The following TLL2 variants were observed in gnomAD, a reference collection of about 807,000 sequenced individuals.
The protein encoded by TLL2 is tolloid-like protein 2.
TLL2 carries 106 observed loss-of-function variants against 123.0 expected under a neutral mutation model. The ratio of observed to expected loss-of-function variants is 0.86; its 90% CI spans 0.74 to 1.01. The LOEUF (loss-of-function observed/expected upper bound fraction) is 1.01. Among genes scored for constraint, TLL2 ranks in the 50% least tolerant of loss-of-function variants. The pLI is 0.00. For missense variants in TLL2, 1,332 were observed against 1,336.7 expected (o/e 1.00, Z 0.06); for synonymous variants, 494 against 516.8 (o/e 0.96, Z 0.60).
chr10:96,490,984 C>T (rs764176943), intron 1 of TLL2, among the ~76,000 whole-genome samples: 28 of 152,148 alleles, frequency 1.8e-4, no homozygotes, highest in Admixed American at 9.8e-4. Flanking sequence ...CATGGGCTCC[C>T]CTCCACCTCT....
chr10:96,391,854 G>A (rs1039054076), intron 13 of TLL2, among the ~76,000 whole-genome samples: 1 of 152,154 alleles, frequency 6.6e-6, no homozygotes, highest in Non-Finnish European at 1.5e-5. Flanking sequence ...GTCAAGCTGG[G>A]TCTGTGCACT....
chr10:96,387,321 G>A (rs1339882468), intron 13 of TLL2, among the ~76,000 whole-genome samples: 1 of 152,216 alleles, frequency 6.6e-6, no homozygotes, highest in Non-Finnish European at 1.5e-5. Flanking sequence ...GCCAAGAGAA[G>A]GCCAGGCCTG....
chr10:96,383,329 C>T (rs1846202457), intron 16 of TLL2, among the ~76,000 whole-genome samples: 1 of 152,156 alleles, frequency 6.6e-6, no homozygotes, highest in African/African-American at 2.4e-5. Flanking sequence ...TGGCAGTGTC[C>T]CTACCCAAAT....
chr10:96,376,460 T>G (rs1243589404), intron 18 of TLL2, among the ~76,000 whole-genome samples: 7 of 152,258 alleles, frequency 4.6e-5, no homozygotes, highest in African/African-American at 1.7e-4. Context: ...CGGGTCCCAC[T>G]GTGCCCAGGT....
At chr10:96,386,537 A>G (rs1159844010) in intron 14 of TLL2, among the ~76,000 whole-genome samples, 1 of 152,224 alleles carries the variant, frequency 6.6e-6, no homozygotes, top group African/African-American at 2.4e-5. Context: ...TACTCACCAT[A>G]CCAAGCTTGC....
At chr10:96,386,816 G>A (rs1251462213) in intron 14 of TLL2, 137 bp downstream of exon 14, 1 of 1,270,046 alleles carries the variant, frequency 7.9e-7, no homozygotes, top group Non-Finnish European at 1.1e-6. Context: ...CTTCTAGGAA[G>A]TAGGTGGGTC....
intron 7 of TLL2, among the ~76,000 whole-genome samples, chr10:96,417,072 C>T (rs751420959): frequency 1.4e-4 from 22 of 152,236 alleles, no homozygotes; most frequent in African/African-American, 4.8e-4. Flanking sequence ...ACAGCTCAAT[C>T]GTAAAGAGAC....
intron 10 of TLL2, among the ~76,000 whole-genome samples, chr10:96,399,440 A>G (rs1359721872): frequency 6.6e-6 from 1 of 152,196 alleles, no homozygotes; most frequent in Non-Finnish European, 1.5e-5. Context: ...TGTGTTGTAC[A>G]TGGTTTGGGG....
In TLL2 at chr10:96,493,099, C is replaced by T. The variant is rs74151362; in HGVS notation, c.176-12640G>A. ...ACTGATGGTTCTGCAGCACCCACAC[C>T]GTGCAGGCTCCTCTCGCTCCTCTAG... On this transcript the variant is annotated intron_variant, in intron 1 of 20. Transcript: ENST00000357947. Among the ~76,000 whole-genome samples, 653 of 152,302 alleles carry T rather than the reference C, an allele frequency of 4.3e-3. 2 individuals are homozygous for T. Among genetic ancestry groups the T allele is most frequent in the Middle Eastern group, 0.017 (5 of 294 alleles).
At position 96,476,241 on chromosome 10, in the gene TLL2, T is replaced by TATATATTC. The variant is rs1554939631; in HGVS notation, c.286+4107_286+4108insGAATATAT. On this transcript the variant is annotated intron_variant, in intron 2 of 20. Transcript: ENST00000357947. ...TTATATGTATATATATATATATATA[T>TATATATTC]TTTATTTTTGTTGTTGTTGTTGTTG... is the stretch of plus-strand genomic sequence containing the variant. Among the ~76,000 whole-genome samples, 255 of 72,132 alleles carry TATATATTC rather than the reference T, an allele frequency of 3.5e-3. 13 individuals carry two copies. The highest frequency in any genetic ancestry group is 0.011 in the African/African-American group (220 of 19,272). 47.3% of individuals were successfully genotyped at this position (72,132 alleles called of 152,430 possible). A position where few individuals can be genotyped will look rare whatever the true frequency, so the allele number is the denominator to read the frequency against.
chr10:96,510,499 A>G (rs1343688646), intron 1 of TLL2, among the ~76,000 whole-genome samples: 2 of 152,382 alleles, frequency 1.3e-5, no homozygotes, highest in Non-Finnish European at 1.5e-5. Context: ...TAAGGTCAGC[A>G]TGAAGATATT....
rs1207876078 is a variant in TLL2 at position 96,492,615 on chromosome 10, A to G, written c.176-12156T>C. Among the ~76,000 whole-genome samples, 5 of 152,092 alleles carry G rather than the reference A, an allele frequency of 3.3e-5. No individual in the cohort carries two copies. The East Asian group carries it at 9.6e-4, about 29-fold the overall frequency. ...CTCCAGCCTGGGCAACAAGAGCAAA[A>G]CTCCGTCTTAAACAAACAAACAAAA... On this transcript the variant is annotated intron_variant, in intron 1 of 20. Coordinates refer to ENST00000357947, the MANE Select transcript of TLL2 (RefSeq NM_012465.4).
intron 9 of TLL2, among the ~76,000 whole-genome samples, chr10:96,408,283 A>G (rs4919012): frequency 0.98 from 149,962 of 152,360 alleles, 73,840 homozygotes; most frequent in East Asian, 1. Context: ...TTTTAAGTAC[A>G]TTAGTGAACC....
intron 2 of TLL2, among the ~76,000 whole-genome samples, chr10:96,473,671 G>C (rs1414906360): frequency 6.6e-6 from 1 of 152,176 alleles, no homozygotes; most frequent in African/African-American, 2.4e-5. Context: ...AATAGATGAG[G>C]CGGGAAACAT....
At chr10:96,375,158 G>A (rs759784955) in intron 18 of TLL2, among the ~76,000 whole-genome samples, 24 of 152,264 alleles carry the variant, frequency 1.6e-4, no homozygotes, top group Middle Eastern at 3.4e-3. Context: ...TAGAGACACG[G>A]GACAGGGGAG....
chr10:96,440,369 C>A (rs1353611262), intron 3 of TLL2, among the ~76,000 whole-genome samples: 1 of 152,166 alleles, frequency 6.6e-6, no homozygotes, highest in Non-Finnish European at 1.5e-5. Context: ...TAAAAATAAA[C>A]AGCCCAACAG....
intron 3 of TLL2, among the ~76,000 whole-genome samples, chr10:96,436,898 C>G (rs947791836): frequency 6.6e-6 from 1 of 152,090 alleles, no homozygotes; most frequent in Non-Finnish European, 1.5e-5. Flanking sequence ...GTTGCCCAGA[C>G]TGGTCTCAAA....
chr10:96,442,240 T>A (rs11819671), intron 3 of TLL2, among the ~76,000 whole-genome samples: 5,884 of 152,034 alleles, frequency 0.039, 371 homozygotes, highest in African/African-American at 0.13. Flanking sequence ...GGGAGCCACA[T>A]AATGCCAGGA....
At chr10:96,404,066 G>A (rs980144397) in intron 10 of TLL2, among the ~76,000 whole-genome samples, 2 of 152,040 alleles carry the variant, frequency 1.3e-5, no homozygotes, top group African/African-American at 2.4e-5. Flanking sequence ...CCTTTTTGCT[G>A]AAATAATGAA....
Sources: gnomAD v4.1 joint callset for allele counts (sites outside exome capture counted in the v4.1 genomes callset) on GRCh38, gnomAD v4.1.1 for gene constraint, MANE v1.5 for transcripts, NCBI Gene and HGNC (gene_info 2026-07-23, HGNC 2026-07-21) for gene names.